Variants in ATP2B4 observed in about 807,000 individuals in gnomAD.
The protein encoded by ATP2B4 is ATPase plasma membrane Ca2+ transporting 4, also known as plasma membrane calcium-transporting ATPase 4.
ATP2B4 carries 39 observed loss-of-function variants against 110.3 expected under a neutral mutation model. The ratio of observed to expected loss-of-function variants is 0.35; its 90% CI spans 0.27 to 0.46. The LOEUF is 0.46. Among genes scored for constraint, ATP2B4 ranks in the 20% least tolerant of loss-of-function variants. ATP2B4 has a pLI of 1.00. For missense variants in ATP2B4, 1,135 were observed against 1,530.9 expected, an observed-to-expected ratio of 0.74 and a Z score of 4.32; for synonymous variants, 538 against 571.7, an observed-to-expected ratio of 0.94 and a Z score of 0.84.
At chr1:203,647,713 C>T (rs1000647235) in intron 1 of ATP2B4, among the ~76,000 whole-genome samples, 2 of 151,866 alleles carry the variant, frequency 1.3e-5, no homozygotes, top group African/African-American at 2.4e-5. Flanking sequence ...GAACCAAGAT[C>T]GTGCCACTGT....
At chr1:203,711,563 A>G (rs530331700) in intron 12 of ATP2B4, among the ~76,000 whole-genome samples, 28 of 152,324 alleles carry the variant, frequency 1.8e-4, no homozygotes, top group Non-Finnish European at 3.2e-4. Flanking sequence ...GGGAAATTAC[A>G]AAGAGCTGAT....
At chr1:203,637,513 A>G (rs938604284) in intron 1 of ATP2B4, among the ~76,000 whole-genome samples, 1 of 151,882 alleles carries the variant, frequency 6.6e-6, no homozygotes, top group Non-Finnish European at 1.5e-5. Context: ...ACCTAACAAT[A>G]TTATTCGACA....
intron 1 of ATP2B4, among the ~76,000 whole-genome samples, chr1:203,671,933 G>A (rs965979742): frequency 6.6e-6 from 1 of 152,206 alleles, no homozygotes; most frequent in African/African-American, 2.4e-5. Context: ...GCTACCCACA[G>A]AGGGGATGGG....
chr1:203,718,271 T>C (rs2102209586), intron 15 of ATP2B4, among the ~76,000 whole-genome samples: 1 of 150,994 alleles, frequency 6.6e-6, no homozygotes, highest in Admixed American at 6.6e-5. Context: ...TCTAATTTTA[T>C]TTTATTTTAT....
intron 20 of ATP2B4, among the ~76,000 whole-genome samples, chr1:203,737,716 T>C (rs1408324829): frequency 6.6e-6 from 1 of 152,204 alleles, no homozygotes; most frequent in Admixed American, 6.5e-5. Context: ...ATGGTGAGTG[T>C]GTGCCTGTGC....
rs550424311 is a variant in ATP2B4, at chr1:203,670,471, G to A, written c.-464-12271G>A. Among the ~76,000 whole-genome samples, 13 of 152,300 alleles carry A rather than the reference G, an allele frequency of 8.5e-5. No individual in the cohort carries two copies. In the South Asian group the frequency reaches 1.0e-3, roughly 12 times the overall value. On this transcript the variant is annotated intron_variant, in intron 1 of 20. Transcript: ENST00000357681. The stretch of plus-strand genomic sequence containing the variant: ...TGGGATTACAGGCGTGAGCCACTGC[G>A]CCCGGCCGAGTTCATACTCTTAACC...
intron 18 of ATP2B4, among the ~76,000 whole-genome samples, chr1:203,723,457 T>TCTCTCTCTCC (rs1407579331): frequency 9.7e-5 from 11 of 113,576 alleles, no homozygotes; most frequent in African/African-American, 3.1e-4. Context: ...TCTCTCTCTC[T>TCTCTCTCTCC]CTCCCTCTGC....
intron 1 of ATP2B4, among the ~76,000 whole-genome samples, chr1:203,666,773 A>G (rs1664516537): frequency 6.6e-6 from 1 of 152,090 alleles, no homozygotes; most frequent in African/African-American, 2.4e-5. Context: ...TTGGCTCTTG[A>G]AACTATTCCC....
At chr1:203,736,281 A>G (rs965829509) in intron 20 of ATP2B4, among the ~76,000 whole-genome samples, 11 of 152,136 alleles carry the variant, frequency 7.2e-5, no homozygotes, top group African/African-American at 2.7e-4. Flanking sequence ...CCTGGCCAAC[A>G]TGGTGAAACC....
At chr1:203,687,313 A>G (rs1004591682) in intron 2 of ATP2B4, among the ~76,000 whole-genome samples, 1 of 152,146 alleles carries the variant, frequency 6.6e-6, no homozygotes. Flanking sequence ...AAAAGAAAAG[A>G]AAAGAAGATA....
In ATP2B4 at chr1:203,629,717, C is replaced by T. The variant is rs1020187425; in HGVS notation, c.-465+2498C>T. Among the ~76,000 whole-genome samples, 6 of 152,314 alleles carry T rather than the reference C, an allele frequency of 3.9e-5. No individual in the cohort carries two copies. Among genetic ancestry groups the T allele is most frequent in the East Asian group, 3.9e-4 (2 of 5,168 alleles). ...AACTCCGTGGAGAATGCGAACCGAG[C>T]GGCGAACGGAGGCTTCCTGCCTCCC... On this transcript the variant is annotated intron_variant, in intron 1 of 20. Transcript: ENST00000357681. This position sits in a 1 kb window ranked among gnomAD's most constrained non-coding sequence, Gnocchi z 4.6.
Position 203,724,244 on chromosome 1 carries a change from G to C in ATP2B4, c.3132+256G>C, listed in dbSNP as rs1041113771. Among the ~76,000 whole-genome samples, 3 of 152,180 alleles carry C rather than the reference G, an allele frequency of 2.0e-5. No individual in the cohort carries two copies. In the South Asian group the frequency reaches 6.2e-4, roughly 32 times the overall value. On this transcript the variant is annotated intron_variant, in intron 19 of 20. Transcript: ENST00000357681. ...GAAAAATCCCTTAGCTTGGCTGGGC[G>C]CAGTGGCTCACACCTGTAATCCCAG... is the stretch of plus-strand genomic sequence containing the variant.
chr1:203,647,896 G>A (rs539749296), intron 1 of ATP2B4, among the ~76,000 whole-genome samples: 1 of 152,168 alleles, frequency 6.6e-6, no homozygotes, highest in African/African-American at 2.4e-5. Flanking sequence ...AATCAGAGAG[G>A]GGAGAAGGCT....
intron 14 of ATP2B4, among the ~76,000 whole-genome samples, chr1:203,713,774 G>T (rs1666081987): frequency 6.6e-6 from 1 of 152,116 alleles, no homozygotes; most frequent in Non-Finnish European, 1.5e-5. Context: ...AATTGCATGG[G>T]TTCTTAAAAA....
At chr1:203,685,006 G>T (rs1381075224) in intron 2 of ATP2B4, among the ~76,000 whole-genome samples, 5 of 152,062 alleles carry the variant, frequency 3.3e-5, no homozygotes, top group African/African-American at 1.2e-4. Context: ...TGGGGTTACA[G>T]GCATGTGGCT....
chr1:203,724,402 A>G (rs1469182464), intron 19 of ATP2B4, among the ~76,000 whole-genome samples: 1 of 151,994 alleles, frequency 6.6e-6, no homozygotes, highest in African/African-American at 2.4e-5. Flanking sequence ...CTGTAGTCCC[A>G]GCTACTCGGG....
At chr1:203,653,102 A>G (rs190000532) in intron 1 of ATP2B4, among the ~76,000 whole-genome samples, 4 of 152,384 alleles carry the variant, frequency 2.6e-5, no homozygotes, top group Non-Finnish European at 4.4e-5. Context: ...TACTCCAGTT[A>G]ACACACAAAT....
chr1:203,680,403 A>C (rs1325225717), intron 1 of ATP2B4, among the ~76,000 whole-genome samples: 1 of 152,066 alleles, frequency 6.6e-6, no homozygotes, highest in African/African-American at 2.4e-5. Flanking sequence ...AGGTCAGGAG[A>C]CCAAGACCAT....
rs112817284 is a variant in ATP2B4 at position 203,634,141 on chromosome 1, A to G, written c.-465+6922A>G. On this transcript the variant is annotated intron_variant, in intron 1 of 20. Transcript: ENST00000357681. ...ATGTGATGTTTTGATATATGCATAC[A>G]TTACGGAACGATTAAGTCAAACTAT... is the stretch of plus-strand genomic sequence containing the variant. Among the ~76,000 whole-genome samples, 821 of 152,310 alleles carry G rather than the reference A, an allele frequency of 5.4e-3. 2 individuals carry two copies. Among genetic ancestry groups the G allele is most frequent in the Non-Finnish European group, 8.8e-3 (600 of 68,018 alleles).
Sources: allele counts gnomAD v4.1 joint callset (sites outside exome capture counted in the v4.1 genomes callset), GRCh38; gene constraint gnomAD v4.1.1; non-coding constraint Gnocchi (gnomAD v3.1); transcripts MANE v1.5; gene names NCBI Gene and HGNC (gene_info 2026-07-23, HGNC 2026-07-21).